The following COX15 variants were observed in gnomAD, a reference collection of about 807,000 sequenced individuals.
The protein encoded by COX15 is cytochrome c oxidase assembly factor COX15, also known as heme A synthase COX15.
A neutral mutation model predicts 51.9 loss-of-function variants in COX15; 51 were observed. The ratio of observed to expected loss-of-function variants is 0.98; its 90% confidence interval spans 0.78 to 1.24. The LOEUF is 1.24. COX15 is among the 50% of genes most tolerant of loss of function. COX15 has a pLI of 0.00. For synonymous variants in COX15, 188 were observed against 190.5 expected, an observed-to-expected ratio of 0.99 and a Z score of 0.11; for missense variants, 420 against 501.1, an observed-to-expected ratio of 0.84 and a Z score of 1.55.
At position 99,718,412 on chromosome 10, in the gene COX15, G is replaced by A; in HGVS notation, c.921C>T (p.Thr307=). 6.2e-7 allele frequency: 1 copy of A among 1,614,066 alleles called. No homozygotes were observed. The highest frequency in any genetic ancestry group is 1.7e-5 in the Admixed American group (1 of 60,006). ...AAACATTCCTCAGGATGGGGGAGAA[G>A]GTAAAGAGGTCCTCCGGGATCCAGG... ...GESWIPEDLF[T]FSPILRNVFE... is the part of the protein sequence containing the mutation. The change falls in exon 7 of 9, where the codon ACC becomes ACT. Residue 307 remains threonine, a synonymous_variant. Coordinates refer to ENST00000016171, the MANE Select transcript of COX15 (RefSeq NM_078470.6).
chr10:99,695,659 GA>G, the COX15 span, among the ~76,000 whole-genome samples: 52 of 152,182 alleles, frequency 3.4e-4, no homozygotes, highest in Non-Finnish European at 6.2e-4. Context: ...GGAAAATACA[GA>G]AAAATACATG....
At chr10:99,705,233 T>C in the COX15 span, 2 of 159,044 alleles carry the variant, frequency 1.3e-5, no homozygotes, top group Admixed American at 1.2e-4. Context: ...CTTCCTTGCT[T>C]CCTTGACAAA....
At chr10:99,717,861 G>C (rs1412381198) in intron 7 of COX15, among the ~76,000 whole-genome samples, 2 of 152,134 alleles carry the variant, frequency 1.3e-5, no homozygotes, top group Non-Finnish European at 2.9e-5. Flanking sequence ...AGGCCTCCAA[G>C]CCAATCTTTG....
At chr10:99,715,652 A>G (rs2036545538) in intron 8 of COX15, among the ~76,000 whole-genome samples, 1 of 152,104 alleles carries the variant, frequency 6.6e-6, no homozygotes, top group African/African-American at 2.4e-5. Flanking sequence ...AAAAAAAAAA[A>G]AAAGATATTG....
chr10:99,703,207 AC>A, the COX15 span, among the ~76,000 whole-genome samples: 1 of 149,594 alleles, frequency 6.7e-6, no homozygotes, highest in Non-Finnish European at 1.5e-5. Context: ...CTGATACCTT[AC>A]TTTTATGTAC....
chr10:99,720,977 T>C lies in COX15; in HGVS notation c.832+10A>G. 6.2e-7 allele frequency: 1 copy of C among 1,612,204 alleles called. No homozygotes were observed. Among genetic ancestry groups the C allele is most frequent in the Non-Finnish European group, 8.5e-7 (1 of 1,178,810 alleles). ...TGCAAACAGGTCATCTTTGATGAGC[T>C]GAGTCCTACCTGAGAGGGCCGTAAG... On this transcript the variant is annotated intron_variant, in intron 6 of 8. Coordinates refer to ENST00000016171, the MANE Select transcript of COX15 (RefSeq NM_078470.6).
At chr10:99,721,490 G>C (rs1421614997) in intron 5 of COX15, among the ~76,000 whole-genome samples, 1 of 152,204 alleles carries the variant, frequency 6.6e-6, no homozygotes, top group Non-Finnish European at 1.5e-5. Flanking sequence ...AATATAGTCA[G>C]AATCAAAATT....
In COX15 at chr10:99,711,282, A is replaced by C; in HGVS notation, c.*3305T>G. 1.0e-6 allele frequency: 1 copy of C among 985,438 alleles called. No homozygotes were observed. The highest frequency in any genetic ancestry group is 1.2e-6 in the Non-Finnish European group (1 of 829,932). 61.0% of individuals were successfully genotyped at this position (985,438 alleles called of 1,614,324 possible). A position where few individuals can be genotyped will look rare whatever the true frequency, so the allele number is the denominator to read the frequency against. ...CTACTTCCTTGGAGGCAACTGTAGA[A>C]GCATTAATATATGGTTCTTTGGGTT... On this transcript the variant is annotated 3_prime_UTR_variant, in exon 9 of 9. Coordinates refer to ENST00000016171, the MANE Select transcript of COX15 (RefSeq NM_078470.6).
At chr10:99,701,200 G>T in the COX15 span, 1 of 725,830 alleles carries the variant, frequency 1.4e-6, no homozygotes, top group Non-Finnish European at 2.3e-6. Context: ...CAGGGATAGG[G>T]GCCAAAATAG....
chr10:99,716,699 A>T, intron 7 of COX15: 10 of 448,332 alleles, frequency 2.2e-5, no homozygotes, highest in South Asian at 1.9e-4. Context: ...TTCTGTATGT[A>T]CTTTATACAC....
chr10:99,710,382 C>A (rs954066404), downstream of COX15: 12 of 985,180 alleles, frequency 1.2e-5, no homozygotes, highest in Non-Finnish European at 1.4e-5. Context: ...CATGTACTCC[C>A]CCTTTATTTC....
At position 99,713,420 on chromosome 10, in the gene COX15, G is replaced by GT. The variant is rs1303694614; in HGVS notation, c.*1166dup. ...GGGTTGCTCCATCCTCAAATCAGAT[G>GT]TTTCTGATGCCTTCATCCAAATCAC... is the stretch of plus-strand genomic sequence containing the variant. On this transcript the variant is annotated 3_prime_UTR_variant, in exon 9 of 9. Transcript: ENST00000016171. The GT allele has an allele frequency of 6.2e-7, 1 of 1,613,836 alleles. No homozygotes were observed. The highest frequency in any genetic ancestry group is 8.5e-7 in the Non-Finnish European group (1 of 1,179,996).
Position 99,712,299 on chromosome 10 carries a change from G to C in COX15, c.*2288C>G, listed in dbSNP as rs2036420800. 1 of 985,204 alleles carries C rather than the reference G, an allele frequency of 1.0e-6. No homozygotes were observed. The allele number at this position is 985,204 out of a possible 1,614,324, so 61.0% of individuals were successfully genotyped here. A position where few individuals can be genotyped will look rare whatever the true frequency, so the allele number is the denominator to read the frequency against. On this transcript the variant is annotated 3_prime_UTR_variant, in exon 9 of 9. Coordinates refer to ENST00000016171, the MANE Select transcript of COX15 (RefSeq NM_078470.6). ...GAGAACTGAGATCACCTAGTTCAGA[G>C]ACTAACGGGAAACGTTAGGTCATTT...
In COX15 at chr10:99,714,630, C is replaced by G. The variant is rs751386316; in HGVS notation, c.1190G>C (p.Gly397Ala). 6.2e-7 allele frequency: 1 copy of G among 1,614,072 alleles called. No homozygotes were observed. Among genetic ancestry groups the G allele is most frequent in the Non-Finnish European group, 8.5e-7 (1 of 1,180,004 alleles). The change falls in exon 9 of 9, where the codon GGT becomes GCT. Residue 397 changes from glycine to alanine, a missense_variant. Physicochemically the swap from Gly to Ala is moderately conservative, Grantham distance 60. Transcript: ENST00000016171. ...GAGTTCATTCATCAGCCAAAGAGCACCAGTGAGCAAAGCCAAGGAGCCTGA... is the reference window on the plus strand; with the variant it reads ...GAGTTCATTCATCAGCCAAAGAGCAGCAGTGAGCAAAGCCAAGGAGCCTGA... ...HQSGSLALLT[G>A]ALWLMNELRR...
Position 99,731,941 on chromosome 10 carries a change from G to A in COX15, c.90+19C>T, listed in dbSNP as rs750094019. On this transcript the variant is annotated intron_variant, in intron 1 of 8. Coordinates refer to ENST00000016171, the MANE Select transcript of COX15 (RefSeq NM_078470.6). Reference sequence around the variant, plus strand: ...TCCATCCCCGCTCCCGCGACTCGGAGTCCGCTGCAGTGCGGTACCTGTGCT... The same window carrying A: ...TCCATCCCCGCTCCCGCGACTCGGAATCCGCTGCAGTGCGGTACCTGTGCT... 8.7e-6 allele frequency: 14 copies of A among 1,601,292 alleles called. No homozygotes were observed. In the African/African-American group the frequency reaches 1.9e-4, roughly 21 times the overall value.
Position 99,713,733 on chromosome 10 carries a change from G to A in COX15, c.*854C>T, listed in dbSNP as rs2036472732. 1 of 533,912 alleles carries A rather than the reference G, an allele frequency of 1.9e-6. No individual in the cohort carries two copies. 33.1% of individuals were successfully genotyped at this position (533,912 alleles called of 1,614,324 possible). A position where few individuals can be genotyped will look rare whatever the true frequency, so the allele number is the denominator to read the frequency against. On this transcript the variant is annotated 3_prime_UTR_variant, in exon 9 of 9. Transcript: ENST00000016171. Reference sequence around the variant, plus strand: ...GCCTGTAATCTCAGCACTTTGGGAAGCCGAGATGGGCGGATTACCTGAGGT... The same window carrying A: ...GCCTGTAATCTCAGCACTTTGGGAAACCGAGATGGGCGGATTACCTGAGGT...
chr10:99,706,185 T>C (rs1304609473), downstream of COX15: 3 of 152,104 alleles, frequency 2.0e-5, no homozygotes, highest in Non-Finnish European at 4.4e-5. Flanking sequence ...AAATGCTTCA[T>C]AAAACAGGGA....
Position 99,713,549 on chromosome 10 carries a change from G to C in COX15, c.*1038C>G. ...CAACAATTTGTTTATCTGGGTAGATGTCCATGCACTACACCATCAAGGCCA... is the reference window on the plus strand; with the variant it reads ...CAACAATTTGTTTATCTGGGTAGATCTCCATGCACTACACCATCAAGGCCA... On this transcript the variant is annotated 3_prime_UTR_variant, in exon 9 of 9. Coordinates refer to ENST00000016171, the MANE Select transcript of COX15 (RefSeq NM_078470.6). 6.4e-7 allele frequency: 1 copy of C among 1,557,454 alleles called. No homozygotes were observed. The highest frequency in any genetic ancestry group is 8.7e-7 in the Non-Finnish European group (1 of 1,150,772).
rs1038322425 is a variant in COX15, at chr10:99,714,450, A to G, written c.*137T>C. 2.6e-6 allele frequency: 4 copies of G among 1,534,692 alleles called. No homozygotes were observed. The Admixed American group carries it at 6.0e-5, about 23-fold the overall frequency. ...GATCCAGTGACTATCTCAAAACAGG[A>G]AAAGATTTTTAAGTAAGTTGACCAT... On this transcript the variant is annotated 3_prime_UTR_variant, in exon 9 of 9. Transcript: ENST00000016171.
Sources: gnomAD v4.1 joint callset for allele counts (sites outside exome capture counted in the v4.1 genomes callset) on GRCh38, gnomAD v4.1.1 for gene constraint, MANE v1.5 for transcripts, NCBI Gene and HGNC (gene_info 2026-07-23, HGNC 2026-07-21) for gene names.